Variants in SNX15 observed in about 807,000 individuals in gnomAD.
SNX15 encodes the protein sorting nexin 15.
Under a neutral mutation model 35.2 loss-of-function variants are expected in SNX15, and 29 were observed. That is an observed-to-expected ratio of 0.82 (90% CI 0.61 to 1.12). SNX15 has a LOEUF of 1.12. SNX15 is among the 50% of genes most tolerant of loss of function. The pLI, the probability that SNX15 is intolerant of heterozygous loss-of-function variation, is 0.00. For missense variants in SNX15, 400 were observed against 451.5 expected (o/e 0.89, Z 1.03); for synonymous variants, 189 against 188.2 (o/e 1.00, Z -0.03).
chr11:65,035,261 C>A, intron 5 of SNX15, 55 bp downstream of exon 5: 2 of 1,447,110 alleles, frequency 1.4e-6, no homozygotes, highest in Non-Finnish European at 1.8e-6. Flanking sequence ...GTGGGGAGGG[C>A]GGCCACACTC....
intron 1 of SNX15, among the ~76,000 whole-genome samples, chr11:65,028,895 C>G (rs1033550574): frequency 2.0e-5 from 3 of 151,694 alleles, no homozygotes; most frequent in African/African-American, 7.3e-5. Context: ...AGATCGAGAC[C>G]ATCCTGGCTA....
At chr11:65,034,602 C>T (rs1437034919) in intron 3 of SNX15, among the ~76,000 whole-genome samples, 1 of 152,222 alleles carries the variant, frequency 6.6e-6, no homozygotes, top group African/African-American at 2.4e-5. Context: ...CCCTGTTCAC[C>T]TTCTGAGTCT....
At chr11:65,035,900 A>G in intron 6 of SNX15, 1 of 411,284 alleles carries the variant, frequency 2.4e-6, no homozygotes, top group Non-Finnish European at 4.3e-6. Flanking sequence ...GAAGGAAAGG[A>G]GGCACTTCCC....
chr11:65,039,818 T>G lies in SNX15; in HGVS notation c.*26T>G. 6.6e-7 allele frequency: 1 copy of G among 1,512,392 alleles called. No individual in the cohort carries two copies. The allele number at this position is 1,512,392 out of a possible 1,614,324, so 93.7% of individuals were successfully genotyped here. A position where few individuals can be genotyped will look rare whatever the true frequency, so the allele number is the denominator to read the frequency against. Reference sequence around the variant, plus strand: ...CAGGGAGTGGGCCATTCCCTGGGACTCTCGCTCCTGCACTGCCAGCCCCTT... The same window carrying G: ...CAGGGAGTGGGCCATTCCCTGGGACGCTCGCTCCTGCACTGCCAGCCCCTT... On this transcript the variant is annotated 3_prime_UTR_variant, in exon 8 of 8. Transcript: ENST00000377244.
intron 3 of SNX15, among the ~76,000 whole-genome samples, chr11:65,034,432 G>C (rs573495287): frequency 1.3e-5 from 2 of 152,064 alleles, no homozygotes; most frequent in Non-Finnish European, 2.9e-5. Context: ...AAAAATAAAC[G>C]GGGGCTCCTT....
In SNX15 at chr11:65,040,012, G is replaced by GT; in HGVS notation, c.*227dup. 6.4e-6 allele frequency: 3 copies of GT among 472,080 alleles called. No homozygotes were observed. Among genetic ancestry groups the GT allele is most frequent in the Non-Finnish European group, 1.2e-5 (3 of 258,970 alleles). The allele number at this position is 472,080 out of a possible 1,614,324, so 29.2% of individuals were successfully genotyped here. A position where few individuals can be genotyped will look rare whatever the true frequency, so the allele number is the denominator to read the frequency against. On this transcript the variant is annotated 3_prime_UTR_variant, in exon 8 of 8. Transcript: ENST00000377244. ...TTCTGACCCTGCCTGTCTTTTTGGG[G>GT]TTTTTTTGAGTTGGAGTCTCGCTGT...
At chr11:65,031,156 A>G (rs613352) in intron 1 of SNX15, among the ~76,000 whole-genome samples, 18,637 of 152,040 alleles carry the variant, frequency 0.12, 1,514 homozygotes, top group South Asian at 0.23. Context: ...AGTAGCTGGG[A>G]CTACAGGTGT....
chr11:65,032,460 C>G lies in SNX15; in HGVS notation c.165C>G (p.Phe55Leu), dbSNP rs1946450936. The change falls in exon 3 of 8, where the codon TTC becomes TTG. Residue 55 changes from phenylalanine to leucine, a missense_variant. Phe to Leu is a conservative substitution (Grantham distance 22). Coordinates refer to ENST00000377244, the MANE Select transcript of SNX15 (RefSeq NM_013306.5). ...EVVVWKRYSDFRKLHGDLAYT... is the reference protein window; with the variant it reads ...EVVVWKRYSDLRKLHGDLAYT... ...TGGTCTGGAAGCGGTACAGCGACTT[C>G]CGCAAGCTGCATGGAGACCTGGCCT... 1.2e-6 allele frequency: 2 copies of G among 1,614,198 alleles called. No homozygotes were observed. The highest frequency in any genetic ancestry group is 4.5e-5 in the East Asian group (2 of 44,886).
rs577473650 is a variant in SNX15, at chr11:65,038,459, C to T, written c.665-113C>T. 1.1e-3 allele frequency: 1,530 copies of T among 1,368,348 alleles called. 2 individuals are homozygous for T. Among genetic ancestry groups the T allele is most frequent in the Non-Finnish European group, 1.3e-3 (1,363 of 1,033,628 alleles). The allele number at this position is 1,368,348 out of a possible 1,614,324, so 84.8% of individuals were successfully genotyped here. On this transcript the variant is annotated intron_variant, in intron 6 of 7. Transcript: ENST00000377244. ...TTCTGGATTGCTCTGGCATTGGTCC[C>T]CTCTACTGGGGACAGGCTGATACCC...
At chr11:65,029,359 T>C (rs1466139616) in intron 1 of SNX15, among the ~76,000 whole-genome samples, 1 of 151,502 alleles carries the variant, frequency 6.6e-6, no homozygotes, top group Non-Finnish European at 1.5e-5. Flanking sequence ...GGTTTCACCA[T>C]GTTGGCCAGA....
intron 1 of SNX15, among the ~76,000 whole-genome samples, chr11:65,028,504 G>T (rs1946399938): frequency 6.6e-6 from 1 of 152,028 alleles, no homozygotes; most frequent in Admixed American, 6.6e-5. Context: ...TCCCCAAACC[G>T]TTTACGTCTT....
At chr11:65,039,643 C>T (rs1228329744) in intron 7 of SNX15, 43 bp from the exon 8 acceptor site, 13 of 1,357,098 alleles carry the variant, frequency 9.6e-6, no homozygotes, top group Admixed American at 1.8e-5. Flanking sequence ...CTGACCAGGC[C>T]AGTGGTGCCC....
At chr11:65,031,896 CA>C (rs928440721) in intron 1 of SNX15, among the ~76,000 whole-genome samples, 103 of 142,660 alleles carry the variant, frequency 7.2e-4, no homozygotes, top group Middle Eastern at 3.7e-3. Flanking sequence ...GACTCCATCT[CA>C]AAAAAAAAAA....
At chr11:65,033,734 A>G (rs925274615) in intron 3 of SNX15, among the ~76,000 whole-genome samples, 1 of 151,458 alleles carries the variant, frequency 6.6e-6, no homozygotes, top group Non-Finnish European at 1.5e-5. Context: ...ACAGAGTCTC[A>G]CTCTGTCACC....
intron 6 of SNX15, 80 bp from the exon 7 acceptor site, chr11:65,038,492 C>T: frequency 6.8e-7 from 1 of 1,478,360 alleles, no homozygotes; most frequent in Non-Finnish European, 9.0e-7. Flanking sequence ...CCCTGATGGA[C>T]AAAAGAAGTC....
chr11:65,030,501 ATTT>A (rs1225099649), intron 1 of SNX15, among the ~76,000 whole-genome samples: 5 of 131,874 alleles, frequency 3.8e-5, no homozygotes, highest in Admixed American at 7.6e-5. Context: ...CTGGCCTATA[ATTT>A]TTTTTTTTTT....
chr11:65,029,448 A>T (rs370120176), intron 1 of SNX15, among the ~76,000 whole-genome samples: 4 of 151,012 alleles, frequency 2.6e-5, no homozygotes, highest in East Asian at 3.9e-4. Context: ...GAGCCACCAC[A>T]CCCGGCCTCC....
rs1946483215 is a variant in SNX15 at position 65,034,977 on chromosome 11, C to T, written c.372+15C>T. 6.2e-7 allele frequency: 1 copy of T among 1,613,464 alleles called. No individual in the cohort carries two copies. The highest frequency in any genetic ancestry group is 1.3e-5 in the African/African-American group (1 of 75,028). On this transcript the variant is annotated intron_variant, in intron 4 of 7. Transcript: ENST00000377244. ...AGTTCTTCCGGGTATGTGCACCTTC[C>T]ACCTTCCCAGAACTTGGGCCACTTA...
At position 65,034,970 on chromosome 11, in the gene SNX15, C is replaced by T. The variant is rs763087488; in HGVS notation, c.372+8C>T. On this transcript the variant is annotated splice_region_variant and intron_variant, in intron 4 of 7. Coordinates refer to ENST00000377244, the MANE Select transcript of SNX15 (RefSeq NM_013306.5). ...CTCAAGGAGTTCTTCCGGGTATGTG[C>T]ACCTTCCACCTTCCCAGAACTTGGG... is the stretch of plus-strand genomic sequence containing the variant. 14 of 1,613,100 alleles carry T rather than the reference C, an allele frequency of 8.7e-6. No homozygotes were observed. The East Asian group carries it at 2.7e-4, about 31-fold the overall frequency.
Sources: allele counts gnomAD v4.1 joint callset (sites outside exome capture counted in the v4.1 genomes callset), GRCh38; gene constraint gnomAD v4.1.1; transcripts MANE v1.5; gene names NCBI Gene and HGNC (gene_info 2026-07-23, HGNC 2026-07-21).